The following TCF4 variants were observed in gnomAD, a reference collection of about 807,000 sequenced individuals.
The protein encoded by TCF4 is SL3-3 enhancer factor 2.
In TCF4, 3 loss-of-function variants were observed where a neutral mutation model predicts 82.1. The observed-to-expected ratio is 0.04, with a 90% confidence interval of 0.02 to 0.09. The LOEUF is 0.09. Ranked by LOEUF, TCF4 falls within the 10% of genes least tolerant of loss-of-function variation. The pLI is 1.00. For missense variants in TCF4, 518 were observed against 852.7 expected, an observed-to-expected ratio of 0.61 and a Z score of 4.89; for synonymous variants, 276 against 309.6, an observed-to-expected ratio of 0.89 and a Z score of 1.14.
At chr18:55,494,527 G>C (rs970226324) in intron 3 of TCF4, among the ~76,000 whole-genome samples, 1 of 152,048 alleles carries the variant, frequency 6.6e-6, no homozygotes, top group Non-Finnish European at 1.5e-5. Context: ...CTACTTAGCA[G>C]GCGCTGAATT....
At chr18:55,398,323 T>C (rs1487476127) in intron 6 of TCF4, among the ~76,000 whole-genome samples, 1 of 152,206 alleles carries the variant, frequency 6.6e-6, no homozygotes, top group Non-Finnish European at 1.5e-5. Context: ...CTGTGATGTC[T>C]GAAACTGTCA....
intron 6 of TCF4, among the ~76,000 whole-genome samples, chr18:55,394,008 C>A (rs1043032067): frequency 6.6e-6 from 1 of 152,156 alleles, no homozygotes; most frequent in African/African-American, 2.4e-5. Flanking sequence ...GGAATACATA[C>A]AATGGATCTT....
intron 2 of TCF4, among the ~76,000 whole-genome samples, chr18:55,604,894 T>C (rs1427246880): frequency 1.3e-5 from 2 of 152,008 alleles, no homozygotes; most frequent in East Asian, 3.9e-4. Context: ...AGGCAGGCCA[T>C]TGAGGGAGGT....
At chr18:55,345,288 G>A (rs2080917252) in intron 8 of TCF4, among the ~76,000 whole-genome samples, 2 of 131,814 alleles carry the variant, frequency 1.5e-5, no homozygotes, top group South Asian at 4.5e-4. Context: ...GATAAGATTG[G>A]TTTTCACAAA....
chr18:55,602,312 C>G (rs2097697957), intron 2 of TCF4, among the ~76,000 whole-genome samples: 2 of 152,210 alleles, frequency 1.3e-5, no homozygotes, highest in South Asian at 4.1e-4. Context: ...CTGTCTGGCT[C>G]TGGTATCCAC....
intron 5 of TCF4, among the ~76,000 whole-genome samples, chr18:55,432,063 A>G (rs1181536667): frequency 6.6e-6 from 1 of 152,160 alleles, no homozygotes; most frequent in African/African-American, 2.4e-5. Flanking sequence ...GCACTTTGGG[A>G]GGCCAAGGTG....
chr18:55,439,899 T>C (rs1304519960), intron 5 of TCF4, among the ~76,000 whole-genome samples: 2 of 152,142 alleles, frequency 1.3e-5, no homozygotes, highest in Non-Finnish European at 2.9e-5. Context: ...ATTTTTTGTA[T>C]TTTTAGTAGA....
chr18:55,341,968 G>A (rs1027515187), intron 8 of TCF4, among the ~76,000 whole-genome samples: 1 of 152,132 alleles, frequency 6.6e-6, no homozygotes, highest in African/African-American at 2.4e-5. Context: ...AAAGCTCCAC[G>A]ATTTAAATAA....
intron 2 of TCF4, among the ~76,000 whole-genome samples, chr18:55,609,119 G>A (rs1399298306): frequency 1.3e-5 from 2 of 152,160 alleles, no homozygotes; most frequent in African/African-American, 4.8e-5. Flanking sequence ...CATCAGATCT[G>A]TCCATACCTT....
At chr18:55,634,127 C>T (rs569350206) in intron 1 of TCF4, among the ~76,000 whole-genome samples, 9 of 151,902 alleles carry the variant, frequency 5.9e-5, no homozygotes, top group South Asian at 4.2e-4. Flanking sequence ...AAATTAGCCA[C>T]GCGTGGTGGC....
At chr18:55,579,830 CTTTG>C (rs995365186) in intron 3 of TCF4, among the ~76,000 whole-genome samples, 5 of 151,970 alleles carry the variant, frequency 3.3e-5, no homozygotes, top group East Asian at 1.9e-4. Context: ...TACAAAATTA[CTTTG>C]TTTATCATAG....
intron 3 of TCF4, chr18:55,495,484 G>A (rs1391115835): frequency 6.6e-6 from 1 of 152,124 alleles, no homozygotes; most frequent in African/African-American, 2.4e-5. Context: ...ATTTAATTAT[G>A]AGAGTTGTTC....
At chr18:55,606,928 A>G (rs2097702691) in intron 2 of TCF4, among the ~76,000 whole-genome samples, 1 of 152,152 alleles carries the variant, frequency 6.6e-6, no homozygotes, top group African/African-American at 2.4e-5. Flanking sequence ...TGGTAACTTG[A>G]TATCATTATA....
intron 8 of TCF4, among the ~76,000 whole-genome samples, chr18:55,298,902 C>G (rs930577428): frequency 6.6e-6 from 1 of 152,142 alleles, no homozygotes; most frequent in African/African-American, 2.4e-5. Context: ...GATATACATT[C>G]AGTAACCATT....
intron 8 of TCF4, among the ~76,000 whole-genome samples, chr18:55,304,631 GAACC>G (rs1277395222): frequency 1.3e-4 from 20 of 152,254 alleles, no homozygotes; most frequent in African/African-American, 4.6e-4. Context: ...TGTCAGGAAT[GAACC>G]TAAGTAATGC....
At chr18:55,423,001 G>C (rs1412522932) in intron 5 of TCF4, among the ~76,000 whole-genome samples, 3 of 146,754 alleles carry the variant, frequency 2.0e-5, no homozygotes, top group Non-Finnish European at 3.0e-5. Flanking sequence ...ACACACACAC[G>C]CACATGCTCA....
chr18:55,350,460 A>G, intron 7 of TCF4, 52 bp from the exon 8 acceptor site: 1 of 1,591,530 alleles, frequency 6.3e-7, no homozygotes, highest in Non-Finnish European at 8.6e-7. Flanking sequence ...TTTCCTAACT[A>G]AGATAGGTTA....
At chr18:55,565,661 T>C (rs1003254466) in intron 3 of TCF4, among the ~76,000 whole-genome samples, 1 of 152,124 alleles carries the variant, frequency 6.6e-6, no homozygotes, top group African/African-American at 2.4e-5. Context: ...CTCAAGCCCA[T>C]GGAATTTAAG....
chr18:55,480,824 C>G (rs534627131), intron 3 of TCF4, among the ~76,000 whole-genome samples: 71 of 152,246 alleles, frequency 4.7e-4, no homozygotes, highest in African/African-American at 1.7e-3. Context: ...GGCTTATGGG[C>G]CGGGTGCAGT....
Sources: gnomAD v4.1 joint callset for allele counts (sites outside exome capture counted in the v4.1 genomes callset) on GRCh38, gnomAD v4.1.1 for gene constraint, MANE v1.5 for transcripts, NCBI Gene and HGNC (gene_info 2026-07-23, HGNC 2026-07-21) for gene names.